CSNK1E: variants seen among roughly 807,000 people sequenced by gnomAD.
CSNK1E encodes the protein casein kinase 1 epsilon, also known as casein kinase I isoform epsilon.
CSNK1E carries 17 observed loss-of-function variants against 46.1 expected under a neutral mutation model. That is an observed-to-expected ratio of 0.37 (90% CI 0.25 to 0.55). CSNK1E has a LOEUF of 0.55. Among genes scored for constraint, CSNK1E ranks in the 20% least tolerant of loss-of-function variants. The pLI is 0.82. For missense variants in CSNK1E, 386 were observed against 595.4 expected (o/e 0.65, Z 3.66); for synonymous variants, 241 against 242.6 (o/e 0.99, Z 0.06).
chr22:38,314,551 G>A (rs1447582358), intron 1 of CSNK1E, among the ~76,000 whole-genome samples: 3 of 152,150 alleles, frequency 2.0e-5, no homozygotes, highest in Non-Finnish European at 2.9e-5. Flanking sequence ...GCCAGACCTC[G>A]CCAGTGCCCA....
intron 10 of CSNK1E, chr22:38,292,924 T>C: frequency 1.1e-5 from 4 of 359,630 alleles, no homozygotes; most frequent in Non-Finnish European, 2.1e-5. Flanking sequence ...GAGGTCAGAG[T>C]GTGAGCCCAT....
At chr22:38,311,430 A>G (rs905829553) in intron 2 of CSNK1E, among the ~76,000 whole-genome samples, 1 of 152,168 alleles carries the variant, frequency 6.6e-6, no homozygotes, top group African/African-American at 2.4e-5. Flanking sequence ...CCACCACACA[A>G]GATTCTGGAT....
At chr22:38,305,823 T>C (rs949591911) in intron 2 of CSNK1E, among the ~76,000 whole-genome samples, 5 of 151,450 alleles carry the variant, frequency 3.3e-5, no homozygotes, top group Admixed American at 2.0e-4. Flanking sequence ...TCCTCCCAGG[T>C]GGTGGAGGCG....
At chr22:38,307,650 G>A (rs1473954750) in intron 2 of CSNK1E, among the ~76,000 whole-genome samples, 2 of 152,192 alleles carry the variant, frequency 1.3e-5, no homozygotes, top group Non-Finnish European at 2.9e-5. Flanking sequence ...GGTATCTGAG[G>A]GGGATCCTGG....
In CSNK1E at chr22:38,314,075, C is replaced by A. The variant is rs1250320887; in HGVS notation, c.76+7G>T. On this transcript the variant is annotated splice_region_variant and intron_variant, in intron 2 of 10. Coordinates refer to ENST00000396832, the MANE Select transcript of CSNK1E (RefSeq NM_152221.3). Reference sequence around the variant, plus strand: ...CAGGGGCTCCAGCTGGAGCTAGGAACACTTACCCAGGTAGATATCTCCGAA... The same window carrying A: ...CAGGGGCTCCAGCTGGAGCTAGGAAAACTTACCCAGGTAGATATCTCCGAA... 3 of 1,613,660 alleles carry A rather than the reference C, an allele frequency of 1.9e-6. No homozygotes were observed. The highest frequency in any genetic ancestry group is 2.5e-6 in the Non-Finnish European group (3 of 1,179,658).
At chr22:38,312,055 C>T (rs896003999) in intron 2 of CSNK1E, among the ~76,000 whole-genome samples, 13 of 152,116 alleles carry the variant, frequency 8.5e-5, no homozygotes, top group African/African-American at 2.4e-4. Flanking sequence ...CTGCCCGCCT[C>T]GGCCTCCCAA....
rs1481885463 is a variant in CSNK1E, at chr22:38,314,071, G to A, written c.76+11C>T. 1.2e-6 allele frequency: 2 copies of A among 1,613,254 alleles called. No homozygotes were observed. Among genetic ancestry groups the A allele is most frequent in the Admixed American group, 1.7e-5 (1 of 60,024 alleles). On this transcript the variant is annotated intron_variant, in intron 2 of 10. Coordinates refer to ENST00000396832, the MANE Select transcript of CSNK1E (RefSeq NM_152221.3). ...GCCCCAGGGGCTCCAGCTGGAGCTA[G>A]GAACACTTACCCAGGTAGATATCTC...
At position 38,303,068 on chromosome 22, in the gene CSNK1E, G is replaced by A. The variant is rs965904668; in HGVS notation, c.188-59C>T. 1.7e-5 allele frequency: 27 copies of A among 1,602,042 alleles called. No individual in the cohort carries two copies. Among genetic ancestry groups the A allele is most frequent in the Middle Eastern group, 1.7e-4 (1 of 6,022 alleles). On this transcript the variant is annotated intron_variant, in intron 3 of 10. Transcript: ENST00000396832. The surrounding 1 kb of genome is among the most constrained non-coding windows in gnomAD (Gnocchi z 4.7). ...CAGAGGCAGGCAGCCAGCCACGCCC[G>A]GCCCACCCTGTGCTCATGGCTGCCC... is the stretch of plus-strand genomic sequence containing the variant.
Position 38,294,106 on chromosome 22 carries a change from C to T in CSNK1E, c.1218+3G>A, listed in dbSNP as rs1038871754. 6.2e-7 allele frequency: 1 copy of T among 1,608,404 alleles called. No individual in the cohort carries two copies. Among genetic ancestry groups the T allele is most frequent in the African/African-American group, 1.3e-5 (1 of 74,902 alleles). ...CAGAGGGACTGGCAGGGGGGCAGCT[C>T]ACCTGTGAGGCTGGGATCCGGGAGA... On this transcript the variant is annotated splice_donor_region_variant and intron_variant, in intron 9 of 10. Coordinates refer to ENST00000396832, the MANE Select transcript of CSNK1E (RefSeq NM_152221.3). This position sits in a 1 kb window ranked among gnomAD's most constrained non-coding sequence, Gnocchi z 5.5.
At chr22:38,304,189 C>A (rs1460624015) in intron 2 of CSNK1E, among the ~76,000 whole-genome samples, 1 of 152,132 alleles carries the variant, frequency 6.6e-6, no homozygotes, top group African/African-American at 2.4e-5. Context: ...AGTGTCGCAA[C>A]AGGACACAAA....
Position 38,303,319 on chromosome 22 carries a change from G to A in CSNK1E, c.77-71C>T. Reference sequence around the variant, plus strand: ...CAGGCAGTCCCAGGCGCCCCACTAAGCATTTCTGAGATCTGGCGTGTGCCG... The same window carrying A: ...CAGGCAGTCCCAGGCGCCCCACTAAACATTTCTGAGATCTGGCGTGTGCCG... On this transcript the variant is annotated intron_variant, in intron 2 of 10. Transcript: ENST00000396832. This position sits in a 1 kb window ranked among gnomAD's most constrained non-coding sequence, Gnocchi z 4.7. The A allele has an allele frequency of 7.6e-7, 1 of 1,316,576 alleles. No homozygotes were observed. Among genetic ancestry groups the A allele is most frequent in the Non-Finnish European group, 1.0e-6 (1 of 956,536 alleles). 81.6% of individuals were successfully genotyped at this position (1,316,576 alleles called of 1,614,324 possible).
Position 38,303,139 on chromosome 22 carries a change from G to A in CSNK1E, c.186C>T (p.Gly62=), listed in dbSNP as rs745570665. Residue 62 remains glycine (G), a splice_region_variant and synonymous_variant, in exon 3 of 11, where the codon GGC becomes GGT. Coordinates refer to ENST00000396832, the MANE Select transcript of CSNK1E (RefSeq NM_152221.3). This position sits in a 1 kb window ranked among gnomAD's most constrained non-coding sequence, Gnocchi z 4.7. The stretch of plus-strand genomic sequence containing the variant: ...CGCCGCCGCCCACCCTGCGCTCACC[G>A]CCACCCTGCATCATCTTGTAGAACT... ...ESKFYKMMQG[G]VGIPSIKWCG... 28 of 1,416,066 alleles carry A rather than the reference G, an allele frequency of 2.0e-5. No homozygotes were observed. The highest frequency in any genetic ancestry group is 2.9e-5 in the African/African-American group (2 of 68,750). 87.7% of individuals were successfully genotyped at this position (1,416,066 alleles called of 1,614,324 possible).
At chr22:38,299,771 G>C in intron 6 of CSNK1E, 124 bp downstream of exon 6, 1 of 1,104,764 alleles carries the variant, frequency 9.1e-7, no homozygotes, top group Non-Finnish European at 1.3e-6. Context: ...GCCTCCCAAA[G>C]TGCCAGGACT....
At position 38,298,142 on chromosome 22, in the gene CSNK1E, C is replaced by T; in HGVS notation, c.885+644G>A. ...CCCAGCACAGGGACAGGGGCGGGGA[C>T]AGAAAGGTCCCTTCGCTGTCATGGG... On this transcript the variant is annotated intron_variant, in intron 7 of 10. Transcript: ENST00000396832. The surrounding 1 kb of genome is among the most constrained non-coding windows in gnomAD (Gnocchi z 4.2). 2 of 1,296,920 alleles carry T rather than the reference C, an allele frequency of 1.5e-6. No individual in the cohort carries two copies. The highest frequency in any genetic ancestry group is 1.0e-6 in the Non-Finnish European group (1 of 984,938). The allele number at this position is 1,296,920 out of a possible 1,614,324, so 80.3% of individuals were successfully genotyped here. A position where few individuals can be genotyped will look rare whatever the true frequency, so the allele number is the denominator to read the frequency against.
At chr22:38,310,342 G>T (rs2092715593) in intron 2 of CSNK1E, among the ~76,000 whole-genome samples, 1 of 152,140 alleles carries the variant, frequency 6.6e-6, no homozygotes, top group African/African-American at 2.4e-5. Flanking sequence ...TGGGAACTTG[G>T]CAAGTTCCAG....
At position 38,303,427 on chromosome 22, in the gene CSNK1E, G is replaced by T. The variant is rs2092684018; in HGVS notation, c.77-179C>A. On this transcript the variant is annotated intron_variant, in intron 2 of 10. Transcript: ENST00000396832. The surrounding 1 kb of genome is among the most constrained non-coding windows in gnomAD (Gnocchi z 4.7). ...GAGCCCCGGCAAAGGGTTCCTGAGGGGAAAGAAGGTCAGCGCTGTGAGGGA... is the reference window on the plus strand; with the variant it reads ...GAGCCCCGGCAAAGGGTTCCTGAGGTGAAAGAAGGTCAGCGCTGTGAGGGA... Among the ~76,000 whole-genome samples the T allele has an allele frequency of 6.6e-6, 1 of 152,240 alleles. No homozygotes were observed. Among genetic ancestry groups the T allele is most frequent in the Admixed American group, 6.5e-5 (1 of 15,288 alleles).
chr22:38,298,635 G>A lies in CSNK1E; in HGVS notation c.885+151C>T, dbSNP rs2092654181. 4 of 857,002 alleles carry A rather than the reference G, an allele frequency of 4.7e-6. No homozygotes were observed. In the South Asian group the frequency reaches 6.3e-5, roughly 13 times the overall value. 53.1% of individuals were successfully genotyped at this position (857,002 alleles called of 1,614,324 possible). A position where few individuals can be genotyped will look rare whatever the true frequency, so the allele number is the denominator to read the frequency against. ...CTGTCAGCACGGATGAGGCTGGAGG[G>A]CTCTGGGACCCCAGTGAGGTCAACC... is the stretch of plus-strand genomic sequence containing the variant. On this transcript the variant is annotated intron_variant, in intron 7 of 10. Transcript: ENST00000396832. This position sits in a 1 kb window ranked among gnomAD's most constrained non-coding sequence, Gnocchi z 4.2.
In CSNK1E at chr22:38,290,801, G is replaced by C. The variant is rs1350114821; in HGVS notation, c.*1170C>G. 7.4e-6 allele frequency: 1 copy of C among 135,968 alleles called. No homozygotes were observed. Among genetic ancestry groups the C allele is most frequent in the Non-Finnish European group, 1.6e-5 (1 of 63,264 alleles). The allele number at this position is 135,968 out of a possible 1,614,324, so 8.4% of individuals were successfully genotyped here. On this transcript the variant is annotated 3_prime_UTR_variant, in exon 11 of 11. Coordinates refer to ENST00000396832, the MANE Select transcript of CSNK1E (RefSeq NM_152221.3). ...ACAAAATTCCCCCCAAAGTTCTTCA[G>C]TTTTTTTTTTTTCAGTTTTTTAAAT...
At chr22:38,310,467 C>T (rs80234017) in intron 2 of CSNK1E, among the ~76,000 whole-genome samples, 8,670 of 152,236 alleles carry the variant, frequency 0.057, 477 homozygotes, top group African/African-American at 0.15. Context: ...CCCACCGTCC[C>T]GGCAGCAGCA....
Sources: gnomAD v4.1 joint callset for allele counts (sites outside exome capture counted in the v4.1 genomes callset) on GRCh38, gnomAD v4.1.1 for gene constraint, Gnocchi (gnomAD v3.1) non-coding constraint, MANE v1.5 for transcripts, NCBI Gene and HGNC (gene_info 2026-07-23, HGNC 2026-07-21) for gene names.